The following MECOM variants were observed in gnomAD, a reference collection of about 807,000 sequenced individuals.
The protein encoded by MECOM is MDS1 and EVI1 complex locus.
Under a neutral mutation model 116.3 loss-of-function variants are expected in MECOM, and 13 were observed. The ratio of observed to expected loss-of-function variants is 0.11; its 90% CI spans 0.07 to 0.18. The LOEUF (loss-of-function observed/expected upper bound fraction) is 0.18. MECOM is among the 10% of genes least tolerant of loss of function. The pLI, the probability that MECOM is intolerant of heterozygous loss-of-function variation, is 1.00. For missense variants in MECOM, 1,299 were observed against 1,509.0 expected, an observed-to-expected ratio of 0.86 and a Z score of 2.31; for synonymous variants, 528 against 535.2, an observed-to-expected ratio of 0.99 and a Z score of 0.19.
At chr3:169,340,774 A>G (rs1724365061) in intron 2 of MECOM, among the ~76,000 whole-genome samples, 1 of 152,174 alleles carries the variant, frequency 6.6e-6, no homozygotes, top group African/African-American at 2.4e-5. Flanking sequence ...GTCAGCTCCA[A>G]TGTGACAGCT....
chr3:169,280,829 T>A (rs1043031301), intron 2 of MECOM, among the ~76,000 whole-genome samples: 7 of 152,168 alleles, frequency 4.6e-5, no homozygotes, highest in African/African-American at 1.7e-4. Context: ...ATGCCAACAA[T>A]CTGGGGCTGT....
chr3:169,373,549 G>A (rs983533133), intron 2 of MECOM, among the ~76,000 whole-genome samples: 4 of 151,948 alleles, frequency 2.6e-5, no homozygotes, highest in Non-Finnish European at 4.4e-5. Context: ...ATGACGTGGG[G>A]CAGTTTTTTC....
intron 1 of MECOM, among the ~76,000 whole-genome samples, chr3:169,637,361 A>T (rs1772926244): frequency 6.6e-6 from 1 of 152,220 alleles, no homozygotes; most frequent in African/African-American, 2.4e-5. Context: ...CTGTTGTTTC[A>T]AGCCATTAAG....
intron 2 of MECOM, among the ~76,000 whole-genome samples, chr3:169,206,730 C>T (rs1440847229): frequency 7.1e-6 from 1 of 141,768 alleles, no homozygotes; most frequent in East Asian, 2.0e-4. Context: ...CCAGCATGGG[C>T]GACAAGAATG....
intron 1 of MECOM, among the ~76,000 whole-genome samples, chr3:169,473,585 A>G (rs1337634116): frequency 6.6e-6 from 1 of 152,114 alleles, no homozygotes; most frequent in Admixed American, 6.5e-5. Context: ...CCTGGCCAAC[A>G]CAGTGAAACC....
Position 169,122,573 on chromosome 3 carries a change from A to T in MECOM, c.978+7T>A, listed in dbSNP as rs898092715. 6.2e-7 allele frequency: 1 copy of T among 1,613,930 alleles called. No individual in the cohort carries two copies. The highest frequency in any genetic ancestry group is 8.5e-7 in the Non-Finnish European group (1 of 1,179,862). On this transcript the variant is annotated splice_region_variant and intron_variant, in intron 6 of 16. Coordinates refer to ENST00000651503, the MANE Select transcript of MECOM (RefSeq NM_004991.4). ...GAGAGGCCAAGTAGCCTACAAATTC[A>T]CTGTACCTTGGCACAGTTTTCACAT...
At chr3:169,088,843 A>G (rs1260201512) in intron 16 of MECOM, among the ~76,000 whole-genome samples, 157 bp downstream of exon 16, 1 of 152,208 alleles carries the variant, frequency 6.6e-6, no homozygotes, top group African/African-American at 2.4e-5. Context: ...ATTTGGTCAT[A>G]AATACAGTAA....
At chr3:169,552,070 T>G (rs779363504) in intron 1 of MECOM, among the ~76,000 whole-genome samples, 3 of 151,940 alleles carry the variant, frequency 2.0e-5, no homozygotes, top group Non-Finnish European at 2.9e-5. Flanking sequence ...AGGTAAAGGC[T>G]TCTTTTTAGG....
chr3:169,188,191 C>G (rs1012779659), intron 2 of MECOM, among the ~76,000 whole-genome samples: 6 of 152,028 alleles, frequency 3.9e-5, no homozygotes, highest in African/African-American at 7.2e-5. Context: ...TGAGCAAGTT[C>G]TTGACAATGC....
At chr3:169,401,353 G>A (rs1220261333) in intron 1 of MECOM, among the ~76,000 whole-genome samples, 1 of 151,826 alleles carries the variant, frequency 6.6e-6, no homozygotes, top group Non-Finnish European at 1.5e-5. Context: ...GTTTCTCTGG[G>A]CTAAGGTAAA....
chr3:169,237,575 A>G (rs1488232306), intron 2 of MECOM, among the ~76,000 whole-genome samples: 2 of 148,322 alleles, frequency 1.3e-5, no homozygotes, highest in African/African-American at 5.0e-5. Context: ...AGGGCGACAC[A>G]TATTTCTGCT....
intron 1 of MECOM, among the ~76,000 whole-genome samples, chr3:169,566,350 C>T (rs1763242347): frequency 1.3e-5 from 2 of 152,200 alleles, no homozygotes; most frequent in Admixed American, 6.5e-5. Context: ...ACCAAACAGC[C>T]TCAACCACAG....
At chr3:169,170,213 C>T (rs1468471336) in intron 2 of MECOM, among the ~76,000 whole-genome samples, 1 of 151,854 alleles carries the variant, frequency 6.6e-6, no homozygotes, top group African/African-American at 2.4e-5. Context: ...GAGATCGAGA[C>T]CATCCTGGCC....
Position 169,518,855 on chromosome 3 carries a change from G to A in MECOM, c.38-137331C>T, listed in dbSNP as rs566922006. On this transcript the variant is annotated intron_variant, in intron 1 of 16. Transcript: ENST00000651503. Reference sequence around the variant, plus strand: ...TGGCTTTAAAAATGGGAGCTTCCCTGCACAAGCTCTCTCTCTCTTTGTCTG... The same window carrying A: ...TGGCTTTAAAAATGGGAGCTTCCCTACACAAGCTCTCTCTCTCTTTGTCTG... Among the ~76,000 whole-genome samples, 27 of 149,904 alleles carry A rather than the reference G, an allele frequency of 1.8e-4. No homozygotes were observed. The South Asian group carries it at 4.9e-3, about 27-fold the overall frequency.
chr3:169,662,395 A>C (rs1380748201), intron 1 of MECOM, among the ~76,000 whole-genome samples: 1 of 152,090 alleles, frequency 6.6e-6, no homozygotes, highest in Non-Finnish European at 1.5e-5. Context: ...CGCGGGTCGC[A>C]GCGCGCCCTC....
chr3:169,185,327 A>G (rs1746562887), intron 2 of MECOM, among the ~76,000 whole-genome samples: 1 of 152,122 alleles, frequency 6.6e-6, no homozygotes, highest in Admixed American at 6.5e-5. Context: ...ATAGAAGTGA[A>G]TGAACCGTGG....
intron 2 of MECOM, among the ~76,000 whole-genome samples, chr3:169,149,935 C>CTCTG (rs1226990755): frequency 2.7e-4 from 36 of 131,308 alleles, no homozygotes; most frequent in East Asian, 1.2e-3. Context: ...TTCTCTCTCT[C>CTCTG]TGTGTGTGTG....
At chr3:169,121,258 C>A in intron 6 of MECOM, 49 bp from the exon 7 acceptor site, 1 of 1,523,050 alleles carries the variant, frequency 6.6e-7, no homozygotes, top group Non-Finnish European at 8.8e-7. Flanking sequence ...CTCAAGGGCA[C>A]AATAAAGAAG....
At chr3:169,207,546 A>C (rs534493401) in intron 2 of MECOM, among the ~76,000 whole-genome samples, 1 of 152,316 alleles carries the variant, frequency 6.6e-6, no homozygotes, top group Non-Finnish European at 1.5e-5. Flanking sequence ...TACAGGTTTA[A>C]AGATCTAATT....
Sources: allele counts gnomAD v4.1 joint callset (sites outside exome capture counted in the v4.1 genomes callset), GRCh38; gene constraint gnomAD v4.1.1; transcripts MANE v1.5; gene names NCBI Gene and HGNC (gene_info 2026-07-23, HGNC 2026-07-21).